ZSCAN1: variants seen among roughly 807,000 people sequenced by gnomAD.
ZSCAN1 encodes the protein zinc finger and SCAN domain containing 1.
Under a neutral mutation model 23.8 loss-of-function variants are expected in ZSCAN1, and 23 were observed. The ratio of observed to expected loss-of-function variants is 0.97; its 90% confidence interval spans 0.70 to 1.37. The LOEUF is 1.37. Ranked by LOEUF, ZSCAN1 falls within the 40% of genes most tolerant of loss-of-function variation. The pLI is 0.00. For missense variants in ZSCAN1, 575 were observed against 554.0 expected, an observed-to-expected ratio of 1.04 and a Z score of -0.38; for synonymous variants, 236 against 232.3, an observed-to-expected ratio of 1.02 and a Z score of -0.15.
chr19:58,045,208 G>C lies in ZSCAN1; in HGVS notation c.465+4664G>C. The C allele has an allele frequency of 1.2e-6, 1 of 855,638 alleles. No individual in the cohort carries two copies. The highest frequency in any genetic ancestry group is 2.0e-6 in the Non-Finnish European group (1 of 489,472). 53.0% of individuals were successfully genotyped at this position (855,638 alleles called of 1,614,324 possible). A position where few individuals can be genotyped will look rare whatever the true frequency, so the allele number is the denominator to read the frequency against. The stretch of plus-strand genomic sequence containing the variant: ...CTCCGGTTCTGTGCCGACCTCTTCC[G>C]CCTGGTGCCGTTCCTCCTGTTCGTG... On this transcript the variant is annotated intron_variant, in intron 4 of 5. Transcript: ENST00000282326. This position sits in a 1 kb window ranked among gnomAD's most constrained non-coding sequence, Gnocchi z 4.3.
Position 58,040,850 on chromosome 19 carries a change from C to G in ZSCAN1, c.465+306C>G, listed in dbSNP as rs1240624550. On this transcript the variant is annotated intron_variant, in intron 4 of 5. Transcript: ENST00000282326. This position sits in a 1 kb window ranked among gnomAD's most constrained non-coding sequence, Gnocchi z 5.8. ...CCTCCTGTGTCACCCGCACCAGATG[C>G]TGCGTGTGTTGAGAAAGTCCTGCTG... Among the ~76,000 whole-genome samples the G allele has an allele frequency of 6.6e-6, 1 of 152,210 alleles. No homozygotes were observed. Among genetic ancestry groups the G allele is most frequent in the African/African-American group, 2.4e-5 (1 of 41,464 alleles).
chr19:58,035,695 A>G (rs1355989828), intron 1 of ZSCAN1, among the ~76,000 whole-genome samples: 3 of 152,340 alleles, frequency 2.0e-5, no homozygotes, highest in Middle Eastern at 3.4e-3. Context: ...TAGTTTCCCA[A>G]TCAGGGTGCA....
Position 58,040,603 on chromosome 19 carries a change from G to A in ZSCAN1, c.465+59G>A. On this transcript the variant is annotated intron_variant, in intron 4 of 5. Transcript: ENST00000282326. The surrounding 1 kb of genome is among the most constrained non-coding windows in gnomAD (Gnocchi z 5.8). Reference sequence around the variant, plus strand: ...ACCCCAGGGCATGCGTGCCGCTTCTGGGACGGCCTCAAGGATGCCCCATCC... The same window carrying A: ...ACCCCAGGGCATGCGTGCCGCTTCTAGGACGGCCTCAAGGATGCCCCATCC... The A allele has an allele frequency of 1.9e-6, 3 of 1,557,448 alleles. No homozygotes were observed. Among genetic ancestry groups the A allele is most frequent in the Non-Finnish European group, 2.7e-6 (3 of 1,131,508 alleles).
Position 58,038,078 on chromosome 19 carries a change from T to C in ZSCAN1, c.242T>C (p.Leu81Pro), listed in dbSNP as rs1382208677. The C allele has an allele frequency of 1.2e-6, 2 of 1,611,646 alleles. No individual in the cohort carries two copies. Among genetic ancestry groups the C allele is most frequent in the Non-Finnish European group, 8.5e-7 (1 of 1,179,830 alleles). ...ARSKEQMLEL[L>P]VLEQFLGALP... ...TCCAAGGAGCAGATGCTGGAGCTGCTGGTGCTGGAGCAGTTCCTGGGCGCG... is the reference window on the plus strand; with the variant it reads ...TCCAAGGAGCAGATGCTGGAGCTGCCGGTGCTGGAGCAGTTCCTGGGCGCG... The change falls in exon 3 of 6, where the codon CTG becomes CCG. Residue 81 changes from leucine to proline, a missense_variant. Transcript: ENST00000282326.
intron 1 of ZSCAN1, among the ~76,000 whole-genome samples, chr19:58,035,708 T>C (rs556668358): frequency 1.3e-5 from 2 of 152,300 alleles, no homozygotes; most frequent in Non-Finnish European, 2.9e-5. Flanking sequence ...AGGGTGCAGG[T>C]GGCCGGGTAC....
In ZSCAN1 at chr19:58,037,972, T is replaced by C. The variant is rs2073751355; in HGVS notation, c.136T>C (p.Tyr46His). ...GCGTCTGCGCTTCCGGCAGTTCCAG[T>C]ACCACGTGGCGAGCGGGCCGCACCT... ...AQRLRFRQFQ[Y>H]HVASGPHLAL... is the part of the protein sequence containing the mutation. Residue 46 changes from tyrosine to histidine, a missense_variant, in exon 3 of 6, where the codon TAC becomes CAC. By Grantham distance (83) the Tyr-to-His change is moderately conservative. Coordinates refer to ENST00000282326, the MANE Select transcript of ZSCAN1 (RefSeq NM_182572.4). The C allele has an allele frequency of 1.2e-6, 2 of 1,606,688 alleles. No individual in the cohort carries two copies. Among genetic ancestry groups the C allele is most frequent in the Non-Finnish European group, 8.5e-7 (1 of 1,179,462 alleles).
At chr19:58,044,452 C>G in intron 4 of ZSCAN1, 1 of 391,186 alleles carries the variant, frequency 2.6e-6, no homozygotes, top group Non-Finnish European at 4.5e-6. Context: ...GCCTCCTGTC[C>G]GAGGCCAACC....
intron 4 of ZSCAN1, among the ~76,000 whole-genome samples, chr19:58,043,915 C>T (rs142724424): frequency 0.017 from 2,607 of 152,068 alleles, 54 homozygotes; most frequent in African/African-American, 0.041. Context: ...GATCCTCCCT[C>T]CTCAGCCACC....
rs745306671 is a variant in ZSCAN1, at chr19:58,040,532, A to G, written c.453A>G (p.Lys151=). The G allele has an allele frequency of 1.9e-6, 3 of 1,613,452 alleles. No individual in the cohort carries two copies. The Admixed American group carries it at 5.0e-5, about 27-fold the overall frequency. Residue 151 remains lysine, a synonymous_variant, in exon 4 of 6, where the codon AAA becomes AAG. Coordinates refer to ENST00000282326, the MANE Select transcript of ZSCAN1 (RefSeq NM_182572.4). The surrounding 1 kb of genome is among the most constrained non-coding windows in gnomAD (Gnocchi z 5.8). ...ATGGGAAGAGTCCAAGGTCCCAGAA[A>G]GAACCATCGCAGGTGAGCCCGGGGC... is the stretch of plus-strand genomic sequence containing the variant. ...EEDGKSPRSQ[K]EPSQASELIL...
intron 4 of ZSCAN1, among the ~76,000 whole-genome samples, chr19:58,042,141 T>C (rs1182021291): frequency 6.6e-6 from 1 of 151,676 alleles, no homozygotes; most frequent in African/African-American, 2.4e-5. Context: ...TTTTTTATTA[T>C]GGCTAGCAGA....
downstream of ZSCAN1, among the ~76,000 whole-genome samples, chr19:58,054,959 T>A (rs1037232657): frequency 6.6e-6 from 1 of 152,156 alleles, no homozygotes; most frequent in Non-Finnish European, 1.5e-5. The surrounding 1 kb of genome is among the most constrained non-coding windows in gnomAD (Gnocchi z 4.2). Context: ...CCTCTCCTGC[T>A]AGGCTGGAGC....
intron 3 of ZSCAN1, among the ~76,000 whole-genome samples, chr19:58,038,674 T>C (rs2073760937): frequency 6.6e-6 from 1 of 152,240 alleles, no homozygotes; most frequent in Non-Finnish European, 1.5e-5. Context: ...GGGTTGAAAC[T>C]GGGCTCCCTC....
Position 58,049,477 on chromosome 19 carries a change from GTGCA to G in ZSCAN1, c.466-3012_466-3009del, listed in dbSNP as rs2123439841. 6.6e-6 allele frequency: 1 copy of G among 152,440 alleles called. No homozygotes were observed. The highest frequency in any genetic ancestry group is 1.9e-4 in the East Asian group (1 of 5,182). The allele number at this position is 152,440 out of a possible 1,614,324, so 9.4% of individuals were successfully genotyped here. ...GAGAAGTTGTAGGCGGGGGGTGCTG[GTGCA>G]CATTCAGGGTCAGGCAGCAGCTTAT... On this transcript the variant is annotated intron_variant, in intron 4 of 5. Transcript: ENST00000282326. This position sits in a 1 kb window ranked among gnomAD's most constrained non-coding sequence, Gnocchi z 4.5.
At position 58,045,315 on chromosome 19, in the gene ZSCAN1, T is replaced by G; in HGVS notation, c.465+4771T>G. The stretch of plus-strand genomic sequence containing the variant: ...GTTGCCATCCACATCCGAGACTCAG[T>G]CCATCAAGGAGAAGAGGCTGAAGGA... On this transcript the variant is annotated intron_variant, in intron 4 of 5. Transcript: ENST00000282326. This position sits in a 1 kb window ranked among gnomAD's most constrained non-coding sequence, Gnocchi z 4.3. 1 of 793,036 alleles carries G rather than the reference T, an allele frequency of 1.3e-6. No individual in the cohort carries two copies. Among genetic ancestry groups the G allele is most frequent in the Non-Finnish European group, 2.3e-6 (1 of 430,212 alleles). 49.1% of individuals were successfully genotyped at this position (793,036 alleles called of 1,614,324 possible). A position where few individuals can be genotyped will look rare whatever the true frequency, so the allele number is the denominator to read the frequency against.
At chr19:58,038,785 A>G (rs1369111504) in intron 3 of ZSCAN1, among the ~76,000 whole-genome samples, 2 of 152,206 alleles carry the variant, frequency 1.3e-5, no homozygotes, top group Non-Finnish European at 2.9e-5. Flanking sequence ...CCCAGGGCCC[A>G]GTCCCATGAG....
At chr19:58,036,404 G>A (rs188323409) in intron 2 of ZSCAN1, among the ~76,000 whole-genome samples, 7 of 152,086 alleles carry the variant, frequency 4.6e-5, no homozygotes, top group Admixed American at 2.6e-4. Flanking sequence ...ACAAACAAAC[G>A]AAACCTCCCT....
rs558498829 is a variant in ZSCAN1 at position 58,044,593 on chromosome 19, G to T, written c.465+4049G>T. The stretch of plus-strand genomic sequence containing the variant: ...CGGCCGCCACGCCCGGACACACGGC[G>T]TCCATCTTAATGAGGAGCTGCCGCG... On this transcript the variant is annotated intron_variant, in intron 4 of 5. Transcript: ENST00000282326. 4.2e-5 allele frequency: 41 copies of T among 976,600 alleles called. No individual in the cohort carries two copies. The African/African-American group carries it at 6.3e-4, about 15-fold the overall frequency. The allele number at this position is 976,600 out of a possible 1,614,324, so 60.5% of individuals were successfully genotyped here.
Position 58,045,368 on chromosome 19 carries a change from G to A in ZSCAN1, c.465+4824G>A, listed in dbSNP as rs1224459101. The A allele has an allele frequency of 7.2e-6, 6 of 837,264 alleles. No homozygotes were observed. The highest frequency in any genetic ancestry group is 1.3e-5 in the Non-Finnish European group (6 of 470,132). The allele number at this position is 837,264 out of a possible 1,614,324, so 51.9% of individuals were successfully genotyped here. A position where few individuals can be genotyped will look rare whatever the true frequency, so the allele number is the denominator to read the frequency against. On this transcript the variant is annotated intron_variant, in intron 4 of 5. Transcript: ENST00000282326. This position sits in a 1 kb window ranked among gnomAD's most constrained non-coding sequence, Gnocchi z 4.3. ...TTCAGGTCAAGCTGGAGCTAGCCGA[G>A]TTCCTCCAGGACACCATCCAGGAGA... is the stretch of plus-strand genomic sequence containing the variant.
chr19:58,040,520 A>G lies in ZSCAN1; in HGVS notation c.441A>G (p.Pro147=), dbSNP rs1310245238. The G allele has an allele frequency of 1.9e-6, 3 of 1,613,520 alleles. No individual in the cohort carries two copies. Among genetic ancestry groups the G allele is most frequent in the Non-Finnish European group, 1.7e-6 (2 of 1,179,974 alleles). The change falls in exon 4 of 6, where the codon CCA becomes CCG. Residue 147 remains proline (P), a synonymous_variant. Coordinates refer to ENST00000282326, the MANE Select transcript of ZSCAN1 (RefSeq NM_182572.4). The surrounding 1 kb of genome is among the most constrained non-coding windows in gnomAD (Gnocchi z 5.8). ...GTGAGGAGGAAGATGGGAAGAGTCC[A>G]AGGTCCCAGAAAGAACCATCGCAGG... ...SFGEEEDGKS[P]RSQKEPSQAS... is the part of the protein sequence containing the mutation.
Sources: allele counts gnomAD v4.1 joint callset (sites outside exome capture counted in the v4.1 genomes callset), GRCh38; gene constraint gnomAD v4.1.1; non-coding constraint Gnocchi (gnomAD v3.1); transcripts MANE v1.5; gene names NCBI Gene and HGNC (gene_info 2026-07-23, HGNC 2026-07-21).